Variants in PARN observed in about 807,000 individuals in gnomAD.
The protein encoded by PARN is poly(A)-specific ribonuclease, also known as poly(A)-specific ribonuclease PARN.
PARN carries 71 observed loss-of-function variants against 102.8 expected under a neutral mutation model. The observed-to-expected ratio is 0.69, with a 90% confidence interval of 0.57 to 0.84. The LOEUF is 0.84. Ranked by LOEUF, PARN falls within the 40% of genes least tolerant of loss-of-function variation. The probability of loss-of-function intolerance (pLI) is 0.00; values close to 1 mark genes in which losing one functional copy is unlikely to be tolerated. For synonymous variants in PARN, 261 were observed against 252.9 expected, an observed-to-expected ratio of 1.03 and a Z score of -0.30; for missense variants, 782 against 760.9, an observed-to-expected ratio of 1.03 and a Z score of -0.33.
chr16:14,626,649 T>C (rs953134431), intron 5 of PARN, among the ~76,000 whole-genome samples: 49 of 151,896 alleles, frequency 3.2e-4, no homozygotes, highest in Non-Finnish European at 6.0e-4. Context: ...TCTCGCTCTG[T>C]TGCCCAAGCT....
At chr16:14,460,788 G>C (rs1182977240) in intron 22 of PARN, among the ~76,000 whole-genome samples, 1 of 152,068 alleles carries the variant, frequency 6.6e-6, no homozygotes, top group Non-Finnish European at 1.5e-5. Context: ...TAACAAATAA[G>C]AGACAAATCT....
At chr16:14,470,940 T>C (rs774110529) in intron 22 of PARN, among the ~76,000 whole-genome samples, 1 of 152,076 alleles carries the variant, frequency 6.6e-6, no homozygotes, top group Non-Finnish European at 1.5e-5. Context: ...CCATGCCTAA[T>C]TTTTTGATTT....
chr16:14,600,081 C>T (rs955739782), intron 11 of PARN, 121 bp from the exon 12 acceptor site: 2 of 543,034 alleles, frequency 3.7e-6, no homozygotes, highest in Non-Finnish European at 6.3e-6. Flanking sequence ...CTTTAGTTTC[C>T]TGTGCTTTGC....
At chr16:14,594,734 C>T (rs1970401021) in intron 12 of PARN, among the ~76,000 whole-genome samples, 1 of 151,994 alleles carries the variant, frequency 6.6e-6, no homozygotes, top group African/African-American at 2.4e-5. Flanking sequence ...ATCAGGTTAC[C>T]ACGATGGAGC....
intron 6 of PARN, among the ~76,000 whole-genome samples, chr16:14,614,846 C>CAAAAAAAAAAAA (rs57502376): frequency 1.1e-3 from 42 of 37,654 alleles, no homozygotes; most frequent in Non-Finnish European, 1.6e-3. Context: ...GAAACTGTCT[C>CAAAAAAAAAAAA]AAAAAAAAAA....
intron 21 of PARN, among the ~76,000 whole-genome samples, chr16:14,508,412 A>T (rs1030915453): frequency 1.3e-4 from 20 of 152,268 alleles, no homozygotes; most frequent in African/African-American, 4.6e-4. Flanking sequence ...TTTAAAAAAT[A>T]AATAAAAATA....
chr16:14,604,250 C>T (rs747526991), intron 10 of PARN, 24 bp from the exon 11 acceptor site: 5 of 1,422,368 alleles, frequency 3.5e-6, no homozygotes, highest in Non-Finnish European at 3.9e-6. Flanking sequence ...AGCAGATATA[C>T]AATTTTCTTT....
chr16:14,521,338 G>C lies in PARN; in HGVS notation c.1480+30683C>G, dbSNP rs143529577. On this transcript the variant is annotated intron_variant, in intron 21 of 23. Transcript: ENST00000437198. Reference sequence around the variant, plus strand: ...ACCAGGGTTGCCAAAAAGTTCTATGGCCTGCAGGTCCCTGCGTCACCCCAT... The same window carrying C: ...ACCAGGGTTGCCAAAAAGTTCTATGCCCTGCAGGTCCCTGCGTCACCCCAT... Among the ~76,000 whole-genome samples the C allele has an allele frequency of 5.8e-4, 89 of 152,260 alleles. 1 individual carries two copies. In the East Asian group the frequency reaches 0.016, roughly 28 times the overall value.
chr16:14,500,219 G>A (rs1291503551), intron 21 of PARN, among the ~76,000 whole-genome samples: 2 of 152,094 alleles, frequency 1.3e-5, no homozygotes, highest in East Asian at 3.9e-4. Context: ...CCATGTCCGG[G>A]TAATTTAAAA....
At chr16:14,629,539 G>C in intron 2 of PARN, 58 bp downstream of exon 2, 1 of 1,256,838 alleles carries the variant, frequency 8.0e-7, no homozygotes, top group Non-Finnish European at 1.2e-6. Flanking sequence ...CTGGGGGATT[G>C]AAGGAGCCTT....
At chr16:14,619,420 G>A (rs1196451132) in intron 5 of PARN, among the ~76,000 whole-genome samples, 1 of 151,388 alleles carries the variant, frequency 6.6e-6, no homozygotes, top group African/African-American at 2.4e-5. Context: ...TGGGCAACAT[G>A]GCAAGACCCC....
At chr16:14,496,915 A>T (rs1010720900) in intron 21 of PARN, among the ~76,000 whole-genome samples, 1 of 152,184 alleles carries the variant, frequency 6.6e-6, no homozygotes, top group African/African-American at 2.4e-5. Flanking sequence ...AAGCAGTCTT[A>T]TTTTGAATAC....
chr16:14,610,279 C>T (rs1353851006), intron 7 of PARN, among the ~76,000 whole-genome samples: 3 of 151,936 alleles, frequency 2.0e-5, no homozygotes, highest in African/African-American at 4.8e-5. Context: ...TCGAGACCAG[C>T]GTGGCCAACA....
Position 14,459,846 on chromosome 16 carries a change from C to G in PARN, c.1671-12765G>C, listed in dbSNP as rs898442028. On this transcript the variant is annotated intron_variant, in intron 22 of 23. Coordinates refer to ENST00000437198, the MANE Select transcript of PARN (RefSeq NM_002582.4). ...AATAGTGTCCAGAAATAGACCCATA[C>G]GTATATGACCAAATGATTTTTGACT... 3.3e-5 allele frequency among the ~76,000 whole-genome samples: 5 copies of G among 152,054 alleles called. No individual in the cohort carries two copies. In the East Asian group the frequency reaches 9.6e-4, roughly 29 times the overall value.
At chr16:14,439,566 A>G (rs1314932753) in intron 23 of PARN, among the ~76,000 whole-genome samples, 1 of 152,226 alleles carries the variant, frequency 6.6e-6, no homozygotes, top group East Asian at 1.9e-4. Flanking sequence ...AAACTGTAAA[A>G]CTTCTGGAAG....
chr16:14,503,733 A>C (rs1964739200), intron 21 of PARN, among the ~76,000 whole-genome samples: 1 of 152,192 alleles, frequency 6.6e-6, no homozygotes, highest in African/African-American at 2.4e-5. Flanking sequence ...AGATTATATC[A>C]CAGGTAGTAC....
chr16:14,484,403 C>T (rs973518739), intron 21 of PARN, among the ~76,000 whole-genome samples: 1 of 152,208 alleles, frequency 6.6e-6, no homozygotes, highest in African/African-American at 2.4e-5. Context: ...ACAACTATTA[C>T]CCACACTGGC....
intron 9 of PARN, among the ~76,000 whole-genome samples, chr16:14,606,781 ATTT>A (rs373632720): frequency 3.0e-5 from 4 of 131,980 alleles, no homozygotes; most frequent in Non-Finnish European, 3.3e-5. Flanking sequence ...GGTATTTTCT[ATTT>A]TTTTTTTTTT....
intron 21 of PARN, among the ~76,000 whole-genome samples, chr16:14,492,976 A>T (rs906921921): frequency 1.3e-5 from 2 of 152,214 alleles, no homozygotes; most frequent in Non-Finnish European, 2.9e-5. Flanking sequence ...GTGCTTAATT[A>T]ACAAGGTTAC....
Sources: gnomAD v4.1 joint callset for allele counts (sites outside exome capture counted in the v4.1 genomes callset) on GRCh38, gnomAD v4.1.1 for gene constraint, MANE v1.5 for transcripts, NCBI Gene and HGNC (gene_info 2026-07-23, HGNC 2026-07-21) for gene names.